The following TNS1 variants were observed in gnomAD, a reference collection of about 807,000 sequenced individuals.
TNS1 encodes the protein tensin-1.
Under a neutral mutation model 168.6 loss-of-function variants are expected in TNS1, and 62 were observed. The ratio of observed to expected loss-of-function variants is 0.37; its 90% CI spans 0.30 to 0.45. The LOEUF is 0.45. Among genes scored for constraint, TNS1 ranks in the 20% least tolerant of loss-of-function variants. TNS1 has a pLI of 1.00. For missense variants in TNS1, 2,240 were observed against 2,339.4 expected, an observed-to-expected ratio of 0.96 and a Z score of 0.88; for synonymous variants, 934 against 933.2, an observed-to-expected ratio of 1.00 and a Z score of -0.02.
At chr2:217,931,443 A>G (rs185887381) in intron 3 of TNS1, among the ~76,000 whole-genome samples, 2 of 152,328 alleles carry the variant, frequency 1.3e-5, no homozygotes, top group African/African-American at 4.8e-5. Flanking sequence ...GACCATGCCA[A>G]CCACCACGGG....
At chr2:217,929,797 C>G (rs1434785955) in intron 3 of TNS1, among the ~76,000 whole-genome samples, 1 of 151,844 alleles carries the variant, frequency 6.6e-6, no homozygotes, top group Admixed American at 6.6e-5. Context: ...CTAGGCAACT[C>G]CTCCTCCTAA....
At chr2:218,003,780 C>A (rs1484202274), upstream of TNS1, among the ~76,000 whole-genome samples, 2 of 148,440 alleles carry the variant, frequency 1.3e-5, no homozygotes, top group African/African-American at 2.5e-5. Context: ...CCCACTTCCT[C>A]CCCCTCCTCC....
At chr2:217,937,478 C>T (rs980545351) in intron 3 of TNS1, among the ~76,000 whole-genome samples, 2 of 152,160 alleles carry the variant, frequency 1.3e-5, no homozygotes, top group African/African-American at 4.8e-5. Flanking sequence ...TGCCAGCCCC[C>T]CTTCCTGGCT....
chr2:218,028,684 G>A (rs1385534471), intron 1 of TNS1, among the ~76,000 whole-genome samples: 2 of 152,206 alleles, frequency 1.3e-5, no homozygotes, highest in Non-Finnish European at 2.9e-5. Context: ...CCTATCCTTG[G>A]GGTAGATTTG....
chr2:217,858,399 C>T (rs1387791942), intron 18 of TNS1: 2 of 525,426 alleles, frequency 3.8e-6, no homozygotes, highest in East Asian at 1.5e-4. Context: ...TCCACACCCT[C>T]CCAGCACAGA....
chr2:218,026,338 CT>C (rs1373623937), intron 1 of TNS1, among the ~76,000 whole-genome samples: 3 of 152,270 alleles, frequency 2.0e-5, no homozygotes, highest in Admixed American at 2.0e-4. Flanking sequence ...TACCGCCTGC[CT>C]TTTGGGGGAA....
chr2:217,971,082 T>G (rs983668265), intron 3 of TNS1, among the ~76,000 whole-genome samples: 1 of 152,184 alleles, frequency 6.6e-6, no homozygotes, highest in Non-Finnish European at 1.5e-5. Flanking sequence ...TAAAATAAAT[T>G]TTATTAAGAT....
chr2:217,987,828 C>T (rs1958239449), intron 2 of TNS1, among the ~76,000 whole-genome samples: 1 of 152,214 alleles, frequency 6.6e-6, no homozygotes, highest in African/African-American at 2.4e-5. Context: ...CATGCCCCCT[C>T]AGCCAGGGAA....
At chr2:217,998,655 A>G (rs1021738580) in intron 1 of TNS1, among the ~76,000 whole-genome samples, 3 of 152,144 alleles carry the variant, frequency 2.0e-5, no homozygotes, top group African/African-American at 7.2e-5. Context: ...GCATACCACC[A>G]TGCCCAGATA....
At chr2:217,806,217 C>G (rs773578618) in intron 32 of TNS1, among the ~76,000 whole-genome samples, 3 of 152,196 alleles carry the variant, frequency 2.0e-5, no homozygotes, top group Non-Finnish European at 4.4e-5. Flanking sequence ...TCCAGGCTCC[C>G]GCAATAGCCC....
At chr2:217,991,168 G>A (rs2126086074) in intron 1 of TNS1, 112 bp from the exon 2 acceptor site, 1 of 472,884 alleles carries the variant, frequency 2.1e-6, no homozygotes, top group East Asian at 3.1e-5. Context: ...GATGGCAAGA[G>A]CCCCTCAGGG....
Position 217,802,088 on chromosome 2 carries a change from C to T in TNS1, c.*2371G>A, listed in dbSNP as rs1937570675. ...TCAAGTGTGGACAGAACATCCATGC[C>T]AGGAATAGGCTCCTGGGCTCTCCAG... On this transcript the variant is annotated 3_prime_UTR_variant, in exon 33 of 33. Coordinates refer to ENST00000682258, the MANE Select transcript of TNS1 (RefSeq NM_001387777.1). 1 of 152,184 alleles carries T rather than the reference C, an allele frequency of 6.6e-6. No homozygotes were observed. The highest frequency in any genetic ancestry group is 6.5e-5 in the Admixed American group (1 of 15,274). 9.4% of individuals were successfully genotyped at this position (152,184 alleles called of 1,614,324 possible).
At chr2:217,870,399 T>A (rs17790839) in intron 18 of TNS1, among the ~76,000 whole-genome samples, 48,320 of 152,192 alleles carry the variant, frequency 0.32, 7,919 homozygotes, top group East Asian at 0.37. Flanking sequence ...GAGAGGAAGG[T>A]AATGATGGGT....
At chr2:217,988,137 A>G (rs1311680810) in intron 2 of TNS1, among the ~76,000 whole-genome samples, 2 of 152,098 alleles carry the variant, frequency 1.3e-5, no homozygotes, top group African/African-American at 4.8e-5. Flanking sequence ...TGGTCCTGCT[A>G]CAGTGTAGCC....
intron 3 of TNS1, among the ~76,000 whole-genome samples, chr2:217,947,091 T>A (rs544669185): frequency 2.0e-5 from 3 of 151,968 alleles, no homozygotes; most frequent in Admixed American, 6.5e-5. Flanking sequence ...TCCCAGGGTC[T>A]CCACCTCCCA....
chr2:217,808,564 A>AAAGCTGTGTGGGAGAG, intron 31 of TNS1, 39 bp downstream of exon 31: 1 of 1,598,186 alleles, frequency 6.3e-7, no homozygotes, highest in Non-Finnish European at 8.6e-7. Context: ...TCAGTGTTAG[A>AAAGCTGTGTGGGAGAG]AAGCTGTGTG....
At chr2:218,017,629 C>T (rs1413563703) in intron 1 of TNS1, among the ~76,000 whole-genome samples, 1 of 152,266 alleles carries the variant, frequency 6.6e-6, no homozygotes, top group East Asian at 1.9e-4. Context: ...AACTCCTGGC[C>T]CTGGCACGTG....
chr2:217,988,208 T>C (rs1958250173), intron 2 of TNS1, among the ~76,000 whole-genome samples: 2 of 152,062 alleles, frequency 1.3e-5, no homozygotes, highest in African/African-American at 4.8e-5. Context: ...GCCAAACCAG[T>C]CTGTCCACTC....
intron 3 of TNS1, among the ~76,000 whole-genome samples, chr2:217,941,388 G>C (rs1820321): frequency 0.2 from 31,110 of 152,286 alleles, 3,857 homozygotes; most frequent in Non-Finnish European, 0.28. Flanking sequence ...GGGCAGAGTG[G>C]GCCAGGAGGC....
Sources: allele counts gnomAD v4.1 joint callset (sites outside exome capture counted in the v4.1 genomes callset), GRCh38; gene constraint gnomAD v4.1.1; transcripts MANE v1.5; gene names NCBI Gene and HGNC (gene_info 2026-07-23, HGNC 2026-07-21).